The following TLN2 variants were observed in gnomAD, a reference collection of about 807,000 sequenced individuals.
The protein encoded by TLN2 is talin 2, also known as talin-2.
TLN2 carries 118 observed loss-of-function variants against 294.7 expected under a neutral mutation model. The ratio of observed to expected loss-of-function variants is 0.40; its 90% CI spans 0.34 to 0.47. TLN2 has a LOEUF of 0.47. Among genes scored for constraint, TLN2 ranks in the 20% least tolerant of loss-of-function variants. The pLI, the probability that TLN2 is intolerant of heterozygous loss-of-function variation, is 0.84. For synonymous variants in TLN2, 1,431 were observed against 1,304.5 expected (o/e 1.10, Z -2.09); for missense variants, 3,083 against 3,282.2 (o/e 0.94, Z 1.48).
intron 29 of TLN2, among the ~76,000 whole-genome samples, 163 bp from the exon 30 acceptor site, chr15:62,738,051 C>T (rs2061123313): frequency 6.6e-6 from 1 of 152,080 alleles, no homozygotes; most frequent in Admixed American, 6.5e-5. Flanking sequence ...ATCTCTGGGA[C>T]AAGGGGCCTG....
chr15:62,594,172 TAAATC>T (rs896700157), intron 2 of TLN2, among the ~76,000 whole-genome samples: 4 of 152,122 alleles, frequency 2.6e-5, no homozygotes, highest in African/African-American at 9.7e-5. Context: ...AGCCCAGAAA[TAAATC>T]CACACAGTTA....
intron 2 of TLN2, among the ~76,000 whole-genome samples, chr15:62,596,753 AAAT>A (rs1381901041): frequency 6.6e-6 from 1 of 151,736 alleles, no homozygotes; most frequent in Non-Finnish European, 1.5e-5. Flanking sequence ...AAAAAAAAAA[AAAT>A]AATAATAACT....
At chr15:62,525,595 G>C (rs1319006426) in intron 1 of TLN2, among the ~76,000 whole-genome samples, 1 of 152,178 alleles carries the variant, frequency 6.6e-6, no homozygotes, top group Non-Finnish European at 1.5e-5. Context: ...TCAGAAATTG[G>C]TGAAAACATA....
In TLN2 at chr15:62,694,195, T is replaced by C; in HGVS notation, c.1216-121T>C. The C allele has an allele frequency of 4.1e-6, 3 of 736,742 alleles. No individual in the cohort carries two copies. The South Asian group carries it at 4.9e-5, about 12-fold the overall frequency. 45.6% of individuals were successfully genotyped at this position (736,742 alleles called of 1,614,324 possible). ...TCTCACTGTGTTGACCAGGTTTGTCTCGAACTCCTGACCTCAAGTGATCCG... is the reference window on the plus strand; with the variant it reads ...TCTCACTGTGTTGACCAGGTTTGTCCCGAACTCCTGACCTCAAGTGATCCG... On this transcript the variant is annotated intron_variant, in intron 13 of 58. Coordinates refer to ENST00000636159, the MANE Select transcript of TLN2 (RefSeq NM_015059.3).
intron 1 of TLN2, among the ~76,000 whole-genome samples, chr15:62,473,928 T>C (rs2037635612): frequency 6.6e-6 from 1 of 152,150 alleles, no homozygotes; most frequent in Non-Finnish European, 1.5e-5. Context: ...AGCCTGTTTT[T>C]ACTAAAAATA....
rs764248336 is a variant in TLN2 at position 62,582,246 on chromosome 15, A to ACACACACACC, written c.-237-7439_-237-7438insCACACACCCA. On this transcript the variant is annotated intron_variant, in intron 1 of 58. Coordinates refer to ENST00000636159, the MANE Select transcript of TLN2 (RefSeq NM_015059.3). ...CACACACACACACACACACACACAC[A>ACACACACACC]CATTCATGCCTGACCCATTCCTGAC... Among the ~76,000 whole-genome samples, 324 of 137,294 alleles carry ACACACACACC rather than the reference A, an allele frequency of 2.4e-3. 9 individuals carry two copies. The highest frequency in any genetic ancestry group is 3.6e-3 in the Middle Eastern group (1 of 276). 90.1% of individuals were successfully genotyped at this position (137,294 alleles called of 152,430 possible).
At chr15:62,536,262 T>C (rs2041344054) in intron 1 of TLN2, among the ~76,000 whole-genome samples, 1 of 152,144 alleles carries the variant, frequency 6.6e-6, no homozygotes, top group Admixed American at 6.5e-5. Context: ...TTAAAGCTGC[T>C]CAGGTGTTGC....
At chr15:62,694,497 A>G (rs2058182808) in intron 14 of TLN2, 105 bp downstream of exon 14, 3 of 833,838 alleles carry the variant, frequency 3.6e-6, no homozygotes, top group African/African-American at 3.4e-5. Context: ...CCTGGAGAAG[A>G]TGACAGCAGA....
chr15:62,788,265 C>T lies in TLN2; in HGVS notation c.5736+4375C>T, dbSNP rs934263874. ...GGCGGAGGTTGCAGTGAGCCAAGAT[C>T]GCACCATTGTACTCCAGCCTAGACA... On this transcript the variant is annotated intron_variant, in intron 45 of 58. Transcript: ENST00000636159. Among the ~76,000 whole-genome samples, 26 of 151,984 alleles carry T rather than the reference C, an allele frequency of 1.7e-4. 1 individual carries two copies. In the East Asian group the frequency reaches 1.8e-3, roughly 10 times the overall value.
intron 1 of TLN2, among the ~76,000 whole-genome samples, chr15:62,541,375 G>T (rs1161557948): frequency 6.6e-6 from 1 of 152,074 alleles, no homozygotes. Flanking sequence ...GTTATTTCTT[G>T]CTCTCGACTT....
In TLN2 at chr15:62,825,776, A is replaced by ATTATAAT. The variant is rs1491419500; in HGVS notation, c.7002+5166_7002+5167insTTATAAT. ...ATATAATTATAATTATATATTATAT[A>ATTATAAT]ATATATTATATATTATAATATATAT... On this transcript the variant is annotated intron_variant, in intron 54 of 58. Coordinates refer to ENST00000636159, the MANE Select transcript of TLN2 (RefSeq NM_015059.3). 5.9e-3 allele frequency among the ~76,000 whole-genome samples: 167 copies of ATTATAAT among 28,510 alleles called. 28 individuals carry two copies. Among genetic ancestry groups the ATTATAAT allele is most frequent in the Non-Finnish European group, 7.6e-3 (111 of 14,596 alleles). The allele number at this position is 28,510 out of a possible 152,430, so 18.7% of individuals were successfully genotyped here.
At chr15:62,780,582 C>T (rs185229607) in intron 43 of TLN2, among the ~76,000 whole-genome samples, 15 of 152,330 alleles carry the variant, frequency 9.8e-5, no homozygotes, top group Admixed American at 3.3e-4. Context: ...GCCCTTCTCT[C>T]AGTTCCTATT....
intron 1 of TLN2, among the ~76,000 whole-genome samples, chr15:62,557,170 C>T (rs138713115): frequency 3.9e-5 from 6 of 152,184 alleles, no homozygotes; most frequent in African/African-American, 1.4e-4. Flanking sequence ...AGGATGTGAG[C>T]GGGATCAAGG....
At chr15:62,454,034 GCTGCAAGGGCCCCTGT>G (rs2036317150) in intron 1 of TLN2, among the ~76,000 whole-genome samples, 1 of 152,196 alleles carries the variant, frequency 6.6e-6, no homozygotes, top group Non-Finnish European at 1.5e-5. Flanking sequence ...GTGGCTGCCT[GCTGCAAGGGCCCCTGT>G]GGCTCAGAGG....
At chr15:62,803,448 T>G (rs1218005388) in intron 50 of TLN2, among the ~76,000 whole-genome samples, 3 of 152,206 alleles carry the variant, frequency 2.0e-5, no homozygotes. Flanking sequence ...AACTCTTAAA[T>G]TTGTCCTTTT....
At chr15:62,685,897 AT>A (rs1328862017) in intron 11 of TLN2, among the ~76,000 whole-genome samples, 43 of 152,098 alleles carry the variant, frequency 2.8e-4, no homozygotes, top group Admixed American at 6.5e-5. Flanking sequence ...AAGCATATTA[AT>A]CGTTTCCTTT....
chr15:62,671,629 A>G (rs959769877), intron 9 of TLN2, among the ~76,000 whole-genome samples: 4 of 152,208 alleles, frequency 2.6e-5, no homozygotes, highest in African/African-American at 7.2e-5. Flanking sequence ...ATTCTATTCT[A>G]TTGACCTGTG....
At chr15:62,580,204 G>A (rs568710605) in intron 1 of TLN2, among the ~76,000 whole-genome samples, 1 of 151,984 alleles carries the variant, frequency 6.6e-6, no homozygotes, top group Non-Finnish European at 1.5e-5. Context: ...TTATTTCTTC[G>A]GAGCAGTTTT....
chr15:62,642,030 C>A (rs113098133), intron 3 of TLN2, among the ~76,000 whole-genome samples: 2,331 of 152,310 alleles, frequency 0.015, 64 homozygotes, highest in African/African-American at 0.053. Flanking sequence ...TATATTTTAA[C>A]AGGACAATGT....
Sources: allele counts gnomAD v4.1 joint callset (sites outside exome capture counted in the v4.1 genomes callset), GRCh38; gene constraint gnomAD v4.1.1; transcripts MANE v1.5; gene names NCBI Gene and HGNC (gene_info 2026-07-23, HGNC 2026-07-21).